The following INIP variants were observed in gnomAD, a reference collection of about 807,000 sequenced individuals.
INIP encodes SOSS complex subunit C.
In INIP, 9 loss-of-function variants were observed where a neutral mutation model predicts 14.0. The observed-to-expected ratio is 0.64, with a 90% CI of 0.39 to 1.12. The LOEUF (loss-of-function observed/expected upper bound fraction) is 1.12. Ranked by LOEUF, INIP falls within the 50% of genes most tolerant of loss-of-function variation. INIP has a pLI of 0.01. For synonymous variants in INIP, 37 were observed against 41.5 expected, an observed-to-expected ratio of 0.89 and a Z score of 0.41; for missense variants, 78 against 122.7, an observed-to-expected ratio of 0.64 and a Z score of 1.72.
chr9:112,709,169 C>T (rs900485679), intron 2 of INIP, among the ~76,000 whole-genome samples: 5 of 151,930 alleles, frequency 3.3e-5, no homozygotes. Flanking sequence ...ATCAACCTTT[C>T]TTCCCCACTT....
chr9:112,710,874 C>T (rs966485146), intron 2 of INIP, among the ~76,000 whole-genome samples: 3 of 151,964 alleles, frequency 2.0e-5, no homozygotes, highest in African/African-American at 7.3e-5. Flanking sequence ...TGATTTACTA[C>T]AGAAAGTAAA....
At position 112,686,159 on chromosome 9, in the gene INIP, T is replaced by C. The variant is rs1274038766; in HGVS notation, c.*1379A>G. On this transcript the variant is annotated 3_prime_UTR_variant, in exon 5 of 5. Coordinates refer to ENST00000374242, the MANE Select transcript of INIP (RefSeq NM_021218.3). ...TTACAAAAAGTTATATAAAATACTG[T>C]ATCTGTGATACAGTGTAAAATATCA... 6.6e-6 allele frequency: 1 copy of C among 152,184 alleles called. No individual in the cohort carries two copies. Among genetic ancestry groups the C allele is most frequent in the Non-Finnish European group, 1.5e-5 (1 of 68,044 alleles). 9.4% of individuals were successfully genotyped at this position (152,184 alleles called of 1,614,324 possible).
At chr9:112,714,891 C>T (rs998016274) in intron 2 of INIP, among the ~76,000 whole-genome samples, 4 of 152,062 alleles carry the variant, frequency 2.6e-5, no homozygotes, top group Non-Finnish European at 4.4e-5. Flanking sequence ...ACTACACAAC[C>T]TAGGCTGTAC....
At chr9:112,696,889 C>T (rs1265757957) in intron 2 of INIP, among the ~76,000 whole-genome samples, 1 of 152,182 alleles carries the variant, frequency 6.6e-6, no homozygotes, top group African/African-American at 2.4e-5. Flanking sequence ...TCCGGCACAC[C>T]ATCTTTCAAG....
intron 4 of INIP, among the ~76,000 whole-genome samples, chr9:112,687,956 G>T (rs564913721): frequency 6.6e-6 from 1 of 152,064 alleles, no homozygotes; most frequent in African/African-American, 2.4e-5. Flanking sequence ...CGTGGTGGCG[G>T]GTGCCTGTAG....
chr9:112,713,753 G>A (rs540583592), intron 2 of INIP, among the ~76,000 whole-genome samples: 1 of 152,136 alleles, frequency 6.6e-6, no homozygotes, highest in Non-Finnish European at 1.5e-5. Context: ...CACTTTGGGA[G>A]GCCGAGGCAG....
chr9:112,690,125 T>C (rs1837828593), intron 3 of INIP, among the ~76,000 whole-genome samples: 2 of 152,196 alleles, frequency 1.3e-5, no homozygotes, highest in African/African-American at 4.8e-5. Context: ...TTATAAAATG[T>C]AGACCTTATC....
chr9:112,706,777 A>T (rs1424686107), intron 2 of INIP, among the ~76,000 whole-genome samples: 1 of 151,912 alleles, frequency 6.6e-6, no homozygotes, highest in Non-Finnish European at 1.5e-5. Flanking sequence ...TTTAATTTTT[A>T]AAAATAGTAT....
rs182168041 is a variant in INIP, at chr9:112,687,487, A to G, written c.*51T>C. The G allele has an allele frequency of 1.8e-6, 2 of 1,116,794 alleles. No individual in the cohort carries two copies. Among genetic ancestry groups the G allele is most frequent in the East Asian group, 2.4e-5 (1 of 42,246 alleles). The allele number at this position is 1,116,794 out of a possible 1,614,324, so 69.2% of individuals were successfully genotyped here. A position where few individuals can be genotyped will look rare whatever the true frequency, so the allele number is the denominator to read the frequency against. ...AGTTCATGTAGCACTGAATGATAGTAGCTTTGGCATTTGATATTACAAAGT... is the reference window on the plus strand; with the variant it reads ...AGTTCATGTAGCACTGAATGATAGTGGCTTTGGCATTTGATATTACAAAGT... On this transcript the variant is annotated 3_prime_UTR_variant, in exon 5 of 5. Coordinates refer to ENST00000374242, the MANE Select transcript of INIP (RefSeq NM_021218.3).
At chr9:112,704,586 G>A (rs1838399879) in intron 2 of INIP, among the ~76,000 whole-genome samples, 2 of 152,090 alleles carry the variant, frequency 1.3e-5, no homozygotes, top group Non-Finnish European at 2.9e-5. Context: ...AACACTTTAG[G>A]TTGCCCATCA....
At chr9:112,695,519 A>G (rs1175180746) in intron 2 of INIP, among the ~76,000 whole-genome samples, 3 of 151,984 alleles carry the variant, frequency 2.0e-5, no homozygotes, top group Admixed American at 2.0e-4. Context: ...AGGAGTATTC[A>G]TACTCCTTTT....
At chr9:112,693,794 G>T (rs528906693) in intron 3 of INIP, among the ~76,000 whole-genome samples, 1 of 152,306 alleles carries the variant, frequency 6.6e-6, no homozygotes, top group African/African-American at 2.4e-5. Flanking sequence ...CACATTACAG[G>T]CCAGGCACGG....
intron 2 of INIP, among the ~76,000 whole-genome samples, chr9:112,695,089 C>G (rs1375494327): frequency 6.6e-6 from 1 of 152,138 alleles, no homozygotes; most frequent in Non-Finnish European, 1.5e-5. Context: ...GCCCCCACGG[C>G]AACAATTCAC....
chr9:112,698,212 G>T (rs1453851772), intron 2 of INIP, among the ~76,000 whole-genome samples: 1 of 147,234 alleles, frequency 6.8e-6, no homozygotes, highest in African/African-American at 2.5e-5. Flanking sequence ...ACTGAGGCAG[G>T]AGAATTGCTT....
chr9:112,703,144 G>A (rs1838352494), intron 2 of INIP, among the ~76,000 whole-genome samples: 1 of 152,270 alleles, frequency 6.6e-6, no homozygotes, highest in East Asian at 1.9e-4. Flanking sequence ...GCCAACTAGT[G>A]AAAAGGGGTG....
chr9:112,711,447 C>T (rs1185884300), intron 2 of INIP, among the ~76,000 whole-genome samples: 4 of 151,792 alleles, frequency 2.6e-5, no homozygotes, highest in Admixed American at 6.6e-5. Flanking sequence ...AAAATGATTG[C>T]GTTTTTACTA....
intron 2 of INIP, among the ~76,000 whole-genome samples, chr9:112,710,554 C>T (rs1423020565): frequency 6.6e-6 from 1 of 152,168 alleles, no homozygotes; most frequent in African/African-American, 2.4e-5. Flanking sequence ...AAATGTTCTA[C>T]ACTACATTGG....
At chr9:112,687,813 C>T (rs786970) in intron 4 of INIP, among the ~76,000 whole-genome samples, 180 bp from the exon 5 acceptor site, 149,785 of 152,298 alleles carry the variant, frequency 0.98, 73,674 homozygotes, top group Middle Eastern at 1. Context: ...TGGCTGGGCG[C>T]GGTGGCTCAC....
rs11999430 is a variant in INIP at position 112,703,310 on chromosome 9, C to G, written c.26-9077G>C. Among the ~76,000 whole-genome samples, 563 of 152,302 alleles carry G rather than the reference C, an allele frequency of 3.7e-3. 6 individuals are homozygous for G. The highest frequency in any genetic ancestry group is 0.013 in the African/African-American group (526 of 41,566). On this transcript the variant is annotated intron_variant, in intron 2 of 4. Transcript: ENST00000374242. ...TGGACTGACATTATTAACATATGCTCTAAGAGAAACATGGTCTCCTGCTCT... is the reference window on the plus strand; with the variant it reads ...TGGACTGACATTATTAACATATGCTGTAAGAGAAACATGGTCTCCTGCTCT...
Sources: gnomAD v4.1 joint callset for allele counts (sites outside exome capture counted in the v4.1 genomes callset) on GRCh38, gnomAD v4.1.1 for gene constraint, MANE v1.5 for transcripts, NCBI Gene and HGNC (gene_info 2026-07-23, HGNC 2026-07-21) for gene names.